Variants in AP3S2 observed in about 807,000 individuals in gnomAD.
AP3S2 encodes the protein AP-3 complex subunit sigma-2.
In AP3S2, 22 loss-of-function variants were observed where a neutral mutation model predicts 23.4. That is an observed-to-expected ratio of 0.94 (90% CI 0.67 to 1.34). The LOEUF (loss-of-function observed/expected upper bound fraction) is 1.34. Ranked by LOEUF, AP3S2 falls within the 40% of genes most tolerant of loss-of-function variation. AP3S2 has a pLI of 0.00. For synonymous variants in AP3S2, 86 were observed against 87.1 expected, an observed-to-expected ratio of 0.99 and a Z score of 0.07; for missense variants, 241 against 236.9, an observed-to-expected ratio of 1.02 and a Z score of -0.11.
At chr15:89,877,958 G>A (rs1394210283) in intron 3 of AP3S2, among the ~76,000 whole-genome samples, 1 of 152,126 alleles carries the variant, frequency 6.6e-6, no homozygotes, top group Non-Finnish European at 1.5e-5. Flanking sequence ...AACCTGACAG[G>A]ACTATAGAAG....
At chr15:89,888,240 G>C (rs752255883) in intron 3 of AP3S2, among the ~76,000 whole-genome samples, 5 of 152,152 alleles carry the variant, frequency 3.3e-5, no homozygotes, top group Non-Finnish European at 5.9e-5. Context: ...TTTCATGAAG[G>C]TAATAAAGAC....
At chr15:89,865,043 A>T (rs139896223) in intron 4 of AP3S2, among the ~76,000 whole-genome samples, 1 of 152,192 alleles carries the variant, frequency 6.6e-6, no homozygotes, top group South Asian at 2.1e-4. Context: ...TTCTATATCC[A>T]TCAGTCAGGA....
chr15:89,867,340 G>A (rs1286538405), intron 4 of AP3S2, among the ~76,000 whole-genome samples: 4 of 151,556 alleles, frequency 2.6e-5, no homozygotes, highest in African/African-American at 9.7e-5. Context: ...CTGGAGTGCA[G>A]TGGCGTGATC....
chr15:89,860,592 G>A (rs1294613473), intron 4 of AP3S2, among the ~76,000 whole-genome samples: 1 of 152,156 alleles, frequency 6.6e-6, no homozygotes, highest in Non-Finnish European at 1.5e-5. Flanking sequence ...TTTGGACCAT[G>A]GTTGACTGTG....
intron 4 of AP3S2, among the ~76,000 whole-genome samples, chr15:89,851,590 G>A (rs1291774542): frequency 1.3e-5 from 2 of 151,990 alleles, no homozygotes; most frequent in African/African-American, 4.8e-5. Flanking sequence ...GCCCAACTCG[G>A]CCTCCCAAAG....
chr15:89,856,301 G>A (rs550006468), intron 4 of AP3S2, among the ~76,000 whole-genome samples: 2 of 152,320 alleles, frequency 1.3e-5, no homozygotes, highest in Admixed American at 6.5e-5. Context: ...AGTGGCTCAC[G>A]CCTGTAATCC....
chr15:89,889,175 A>G (rs1896764018), intron 1 of AP3S2, 35 bp from the exon 2 acceptor site: 4 of 1,613,004 alleles, frequency 2.5e-6, no homozygotes, highest in Non-Finnish European at 2.5e-6. Flanking sequence ...TCAGTGGGCA[A>G]GCCTGAAAAA....
intron 4 of AP3S2, among the ~76,000 whole-genome samples, chr15:89,841,771 T>A (rs1173599108): frequency 3.9e-5 from 6 of 151,946 alleles, no homozygotes; most frequent in African/African-American, 1.2e-4. Flanking sequence ...CCAACAAACA[T>A]CCTGCAAAAC....
intron 4 of AP3S2, among the ~76,000 whole-genome samples, chr15:89,870,539 G>T (rs1896294776): frequency 6.6e-6 from 1 of 152,200 alleles, no homozygotes; most frequent in African/African-American, 2.4e-5. Flanking sequence ...AGCCTGGAAA[G>T]TGGGGATCTG....
intron 4 of AP3S2, among the ~76,000 whole-genome samples, chr15:89,871,215 T>C (rs771374130): frequency 4.6e-5 from 7 of 152,184 alleles, no homozygotes; most frequent in Non-Finnish European, 8.8e-5. Context: ...TTCTCCTATA[T>C]CAAGAAATCA....
Position 89,888,599 on chromosome 15 carries a change from G to A in AP3S2, c.195C>T (p.Tyr65=). 1 of 1,614,204 alleles carries A rather than the reference G, an allele frequency of 6.2e-7. No individual in the cohort carries two copies. The highest frequency in any genetic ancestry group is 8.5e-7 in the Non-Finnish European group (1 of 1,180,042). The change falls in exon 3 of 6, where the codon TAC becomes TAT. Residue 65 remains tyrosine, a synonymous_variant. Coordinates refer to ENST00000336418, the MANE Select transcript of AP3S2 (RefSeq NM_005829.5). ...LIGGSDYKLI[Y]RHYATLYFVF... ...CAAAGTAGAGGGTAGCATAGTGCCGGTAGATCAGTTTGTAGTCAGAGCCAC... is the reference window on the plus strand; with the variant it reads ...CAAAGTAGAGGGTAGCATAGTGCCGATAGATCAGTTTGTAGTCAGAGCCAC...
At chr15:89,872,106 G>A (rs1477370653) in intron 3 of AP3S2, among the ~76,000 whole-genome samples, 3 of 134,098 alleles carry the variant, frequency 2.2e-5, no homozygotes, top group Non-Finnish European at 3.1e-5. Flanking sequence ...GTGACAGAGT[G>A]AGAGTCTCTC....
At chr15:89,889,234 G>A (rs1896765154) in intron 1 of AP3S2, 94 bp from the exon 2 acceptor site, 1 of 1,333,650 alleles carries the variant, frequency 7.5e-7, no homozygotes, top group South Asian at 1.2e-5. Context: ...TTTCTAAGCT[G>A]GGAACATCTA....
chr15:89,868,586 C>T (rs1199528186), intron 4 of AP3S2, among the ~76,000 whole-genome samples: 2 of 131,166 alleles, frequency 1.5e-5, no homozygotes, highest in Non-Finnish European at 3.3e-5. Context: ...GCCCTCCACC[C>T]GGCCAGCCGC....
At chr15:89,851,577 T>C (rs1895655909) in intron 4 of AP3S2, among the ~76,000 whole-genome samples, 1 of 152,206 alleles carries the variant, frequency 6.6e-6, no homozygotes, top group South Asian at 2.1e-4. Context: ...GACCTTGTGA[T>C]CTGCCCAACT....
intron 3 of AP3S2, among the ~76,000 whole-genome samples, chr15:89,879,992 C>T (rs1896533248): frequency 6.8e-6 from 1 of 146,534 alleles, no homozygotes; most frequent in Non-Finnish European, 1.5e-5. Context: ...TGGAGTCTCA[C>T]TCTTGTTGCC....
At chr15:89,872,453 A>G (rs1201862652) in intron 3 of AP3S2, among the ~76,000 whole-genome samples, 1 of 152,226 alleles carries the variant, frequency 6.6e-6, no homozygotes, top group Non-Finnish European at 1.5e-5. Context: ...AAGTGTACAA[A>G]TGACAAGGGC....
intron 4 of AP3S2, among the ~76,000 whole-genome samples, chr15:89,840,683 C>T (rs1003511471): frequency 3.8e-4 from 58 of 152,280 alleles, no homozygotes; most frequent in Middle Eastern, 3.4e-3. Context: ...CTGCCTTGGC[C>T]TCCCAAAGTG....
At chr15:89,872,349 T>G (rs2174292) in intron 3 of AP3S2, among the ~76,000 whole-genome samples, 66,644 of 151,898 alleles carry the variant, frequency 0.44, 14,978 homozygotes, top group East Asian at 0.63. Flanking sequence ...ATGAATAAAT[T>G]TAATTGACGT....
Sources: allele counts gnomAD v4.1 joint callset (sites outside exome capture counted in the v4.1 genomes callset), GRCh38; gene constraint gnomAD v4.1.1; transcripts MANE v1.5; gene names NCBI Gene and HGNC (gene_info 2026-07-23, HGNC 2026-07-21).